Variants in LRMDA observed in about 807,000 individuals in gnomAD.
The protein encoded by LRMDA is leucine-rich melanocyte differentiation-associated protein.
Under a neutral mutation model 29.8 loss-of-function variants are expected in LRMDA, and 18 were observed. The observed-to-expected ratio is 0.60, with a 90% CI of 0.42 to 0.90. The LOEUF is 0.90. Among genes scored for constraint, LRMDA ranks in the 40% least tolerant of loss-of-function variants. The probability of loss-of-function intolerance (pLI) is 0.00; values close to 1 mark genes in which losing one functional copy is unlikely to be tolerated. For synonymous variants in LRMDA, 125 were observed against 109.4 expected (o/e 1.14, Z -0.89); for missense variants, 273 against 273.9 (o/e 1.00, Z 0.02).
intron 2 of LRMDA, among the ~76,000 whole-genome samples, chr10:75,913,835 G>T (rs1389145741): frequency 6.6e-6 from 1 of 152,210 alleles, no homozygotes; most frequent in Non-Finnish European, 1.5e-5. Context: ...ATTGGGTCCG[G>T]CTTTCTATCT....
chr10:75,936,124 G>A (rs1846287389), intron 2 of LRMDA, among the ~76,000 whole-genome samples: 1 of 152,080 alleles, frequency 6.6e-6, no homozygotes, highest in Non-Finnish European at 1.5e-5. Context: ...TTGTTGTAAA[G>A]CACCCGGTAC....
intron 2 of LRMDA, among the ~76,000 whole-genome samples, chr10:75,888,847 G>A (rs1415849515): frequency 6.6e-6 from 1 of 152,180 alleles, no homozygotes; most frequent in East Asian, 1.9e-4. Flanking sequence ...AAAATGAAAT[G>A]ACAAGATTCT....
chr10:75,990,121 A>G (rs577612867), intron 2 of LRMDA, among the ~76,000 whole-genome samples: 11 of 152,326 alleles, frequency 7.2e-5, no homozygotes, highest in African/African-American at 2.6e-4. Context: ...CCTAATTTAG[A>G]AAGGCTCTGT....
intron 5 of LRMDA, among the ~76,000 whole-genome samples, chr10:76,207,312 C>T (rs74150542): frequency 0.032 from 4,825 of 152,252 alleles, 252 homozygotes; most frequent in African/African-American, 0.11. Flanking sequence ...CTTTCTCAAG[C>T]TCTGACTAGC....
At chr10:75,989,922 GT>G (rs1847335965) in intron 2 of LRMDA, among the ~76,000 whole-genome samples, 1 of 152,156 alleles carries the variant, frequency 6.6e-6, no homozygotes. Flanking sequence ...GTAAACGAGT[GT>G]CATGGTGAAA....
intron 2 of LRMDA, among the ~76,000 whole-genome samples, chr10:75,793,516 T>C (rs1208961894): frequency 9.9e-5 from 15 of 152,232 alleles, no homozygotes; most frequent in Admixed American, 7.9e-4. Flanking sequence ...TCATTAGTGC[T>C]GTTTGGCAAA....
intron 2 of LRMDA, among the ~76,000 whole-genome samples, chr10:75,457,614 T>C (rs1267192698): frequency 6.6e-6 from 1 of 152,204 alleles, no homozygotes; most frequent in East Asian, 1.9e-4. Flanking sequence ...CATTAAATAA[T>C]AGTGTTTTGA....
chr10:76,514,051 T>C (rs1843035803), intron 6 of LRMDA, among the ~76,000 whole-genome samples: 1 of 152,164 alleles, frequency 6.6e-6, no homozygotes, highest in South Asian at 2.1e-4. Flanking sequence ...TATGCTAGAA[T>C]AGAGATTTAA....
At chr10:75,462,786 A>G (rs1564777234) in intron 2 of LRMDA, among the ~76,000 whole-genome samples, 1 of 152,244 alleles carries the variant, frequency 6.6e-6, no homozygotes, top group Non-Finnish European at 1.5e-5. Flanking sequence ...CATCTCTCAG[A>G]CAAGTACAGA....
intron 5 of LRMDA, among the ~76,000 whole-genome samples, chr10:76,123,569 A>T (rs1391033420): frequency 2.6e-5 from 4 of 152,220 alleles, no homozygotes; most frequent in African/African-American, 9.6e-5. Context: ...GGTGCTGATG[A>T]GTGGTCTACA....
chr10:75,519,486 G>C (rs1845330549), intron 2 of LRMDA, among the ~76,000 whole-genome samples: 1 of 152,184 alleles, frequency 6.6e-6, no homozygotes, highest in Non-Finnish European at 1.5e-5. Context: ...TGTTTTATCA[G>C]AGACTAGGAT....
At chr10:76,280,957 A>G (rs1564709774) in intron 5 of LRMDA, among the ~76,000 whole-genome samples, 2 of 152,190 alleles carry the variant, frequency 1.3e-5, no homozygotes, top group African/African-American at 4.8e-5. Flanking sequence ...GCTAAGGATT[A>G]AAAAATTATA....
chr10:75,652,746 T>C (rs894144862), intron 2 of LRMDA, among the ~76,000 whole-genome samples: 2 of 152,198 alleles, frequency 1.3e-5, no homozygotes, highest in African/African-American at 4.8e-5. Context: ...GTGTTTCTTC[T>C]ATCTGTCCAG....
intron 5 of LRMDA, among the ~76,000 whole-genome samples, chr10:76,063,327 G>A (rs1464743337): frequency 1.3e-5 from 2 of 152,142 alleles, no homozygotes; most frequent in Admixed American, 6.5e-5. Context: ...GTGTTCAAAC[G>A]TATGTTTTTT....
rs910049220 is a variant in LRMDA, at chr10:76,557,553, G to A, written c.*265G>A. The A allele has an allele frequency of 7.1e-5, 37 of 523,846 alleles. No homozygotes were observed. Among genetic ancestry groups the A allele is most frequent in the Non-Finnish European group, 1.2e-4 (34 of 292,524 alleles). The allele number at this position is 523,846 out of a possible 1,614,324, so 32.4% of individuals were successfully genotyped here. A position where few individuals can be genotyped will look rare whatever the true frequency, so the allele number is the denominator to read the frequency against. The stretch of plus-strand genomic sequence containing the variant: ...CAGGGTGACAGACAGCGGTGGCAAA[G>A]CAACAGGGCTGACAGCATGAACACC... On this transcript the variant is annotated 3_prime_UTR_variant, in exon 7 of 7. Transcript: ENST00000611255.
intron 2 of LRMDA, among the ~76,000 whole-genome samples, chr10:75,970,959 G>A: frequency 6.6e-6 from 1 of 152,160 alleles, no homozygotes; most frequent in African/African-American, 2.4e-5. Context: ...GGTAGAAAGG[G>A]CAGTAGTTGT....
chr10:76,364,972 A>G (rs1841370963), intron 6 of LRMDA, among the ~76,000 whole-genome samples: 1 of 151,320 alleles, frequency 6.6e-6, no homozygotes, highest in African/African-American at 2.4e-5. Context: ...TTCCTGAGTT[A>G]CATCACTTAG....
chr10:76,187,647 A>G (rs1215847540), intron 5 of LRMDA, among the ~76,000 whole-genome samples: 1 of 152,310 alleles, frequency 6.6e-6, no homozygotes, highest in South Asian at 2.1e-4. Flanking sequence ...CTTGAACTCA[A>G]TGGATGTTAT....
At chr10:75,544,321 A>G (rs1048345413) in intron 2 of LRMDA, among the ~76,000 whole-genome samples, 1 of 152,242 alleles carries the variant, frequency 6.6e-6, no homozygotes, top group Non-Finnish European at 1.5e-5. Flanking sequence ...TTATTCTTAA[A>G]AAATGAAGGA....
Sources: gnomAD v4.1 joint callset for allele counts (sites outside exome capture counted in the v4.1 genomes callset) on GRCh38, gnomAD v4.1.1 for gene constraint, MANE v1.5 for transcripts, NCBI Gene and HGNC (gene_info 2026-07-23, HGNC 2026-07-21) for gene names.